The following LAMA2 variants were observed in gnomAD, a reference collection of about 807,000 sequenced individuals.
The protein encoded by LAMA2 is laminin subunit alpha 2, also known as laminin subunit alpha-2.
A neutral mutation model predicts 364.8 loss-of-function variants in LAMA2; 269 were observed. The ratio of observed to expected loss-of-function variants is 0.74; its 90% CI spans 0.67 to 0.82. LAMA2 has a LOEUF of 0.82. Ranked by LOEUF, LAMA2 falls within the 40% of genes least tolerant of loss-of-function variation. The probability of loss-of-function intolerance (pLI) is 0.00; values close to 1 mark genes in which losing one functional copy is unlikely to be tolerated. For synonymous variants in LAMA2, 1,379 were observed against 1,370.6 expected (o/e 1.01, Z -0.14); for missense variants, 3,807 against 3,873.2 (o/e 0.98, Z 0.45).
intron 29 of LAMA2, among the ~76,000 whole-genome samples, chr6:129,330,598 G>GTTTTT (rs1554273762): frequency 7.9e-5 from 7 of 88,680 alleles, no homozygotes; most frequent in African/African-American, 2.7e-4. Flanking sequence ...TTTGGTTTTT[G>GTTTTT]TTTTTTTTTT....
chr6:129,507,746 C>A, intron 62 of LAMA2, 104 bp downstream of exon 62: 1 of 1,195,268 alleles, frequency 8.4e-7, no homozygotes. Context: ...AAACTAGTAT[C>A]CTTTATTTAA....
At chr6:129,434,962 A>G in intron 41 of LAMA2, among the ~76,000 whole-genome samples, 1 of 152,098 alleles carries the variant, frequency 6.6e-6, no homozygotes, top group East Asian at 1.9e-4. Context: ...AAAAAAAATC[A>G]GAACAGGGTT....
intron 37 of LAMA2, among the ~76,000 whole-genome samples, chr6:129,399,473 G>T (rs975881937): frequency 6.6e-6 from 1 of 152,174 alleles, no homozygotes; most frequent in African/African-American, 2.4e-5. Context: ...AGTAGGGAGG[G>T]ACTAAACATT....
At chr6:129,326,428 C>T (rs1775286774) in intron 28 of LAMA2, among the ~76,000 whole-genome samples, 1 of 152,072 alleles carries the variant, frequency 6.6e-6, no homozygotes, top group African/African-American at 2.4e-5. Flanking sequence ...CTCGCCTTCA[C>T]ATTTGGACCT....
intron 32 of LAMA2, among the ~76,000 whole-genome samples, chr6:129,353,570 C>T (rs1422566316): frequency 6.6e-6 from 1 of 151,896 alleles, no homozygotes; most frequent in Non-Finnish European, 1.5e-5. Context: ...TGAGAAAATC[C>T]TCAGTGTGCT....
Position 129,393,179 on chromosome 6 carries a change from T to C in LAMA2, c.5369T>C (p.Leu1790Ser), listed in dbSNP as rs777353251. 2 of 1,613,976 alleles carry C rather than the reference T, an allele frequency of 1.2e-6. No individual in the cohort carries two copies. The highest frequency in any genetic ancestry group is 2.7e-5 in the African/African-American group (2 of 74,916). ...AAAGTTGATGATGCTTGGGACCTTT[T>C]GAGAGAAGCCACAGATAAAATCAGA... ...KNKVDDAWDL[L>S]REATDKIREA... The change falls in exon 37 of 65, where the codon TTG (leucine) becomes TCG (serine). Residue 1790 changes from leucine (L) to serine (S), a missense_variant. Physicochemically the swap from Leu to Ser is moderately radical, Grantham distance 145. This residue lies in a region of LAMA2 where 3,333 missense variants were observed against 3,345.7 expected (regional missense o/e 1.00). Transcript: ENST00000421865.
intron 17 of LAMA2, among the ~76,000 whole-genome samples, chr6:129,276,035 C>T (rs532713517): frequency 6.6e-6 from 1 of 152,192 alleles, no homozygotes; most frequent in South Asian, 2.1e-4. Context: ...GATCATTGAA[C>T]TGAAGAAGAA....
intron 30 of LAMA2, among the ~76,000 whole-genome samples, chr6:129,348,073 T>C (rs1462990433): frequency 6.6e-6 from 1 of 152,224 alleles, no homozygotes; most frequent in African/African-American, 2.4e-5. Flanking sequence ...TGAGTGTGCA[T>C]GCACAGATGC....
chr6:128,973,892 GGGGACAATGCTGT>G (rs1202680891), intron 1 of LAMA2, among the ~76,000 whole-genome samples: 2 of 152,130 alleles, frequency 1.3e-5, no homozygotes, highest in Middle Eastern at 3.2e-3. Flanking sequence ...CGTGCTTTGT[GGGGACAATGCTGT>G]GGGACCTCTA....
chr6:129,065,390 C>T (rs1789224488), intron 3 of LAMA2, among the ~76,000 whole-genome samples: 1 of 152,056 alleles, frequency 6.6e-6, no homozygotes, highest in African/African-American at 2.4e-5. Context: ...TGGCATAATA[C>T]TGGAAGACCT....
chr6:129,137,754 A>G (rs1301855613), intron 4 of LAMA2, among the ~76,000 whole-genome samples: 1 of 152,164 alleles, frequency 6.6e-6, no homozygotes, highest in Admixed American at 6.6e-5. Flanking sequence ...GGGGACTGCT[A>G]TTGATATGTT....
chr6:129,262,977 T>C (rs1293938450), intron 15 of LAMA2, among the ~76,000 whole-genome samples: 1 of 152,184 alleles, frequency 6.6e-6, no homozygotes, highest in East Asian at 1.9e-4. Flanking sequence ...TTGTGAAGTG[T>C]TCTGCAGTTA....
chr6:129,300,586 G>A (rs1773487317), intron 21 of LAMA2, 150 bp from the exon 22 acceptor site: 1 of 751,586 alleles, frequency 1.3e-6, no homozygotes, highest in South Asian at 1.5e-5. Flanking sequence ...TAATATAAAA[G>A]ATGAATGAAG....
At chr6:129,004,760 G>T (rs1031617065) in intron 1 of LAMA2, among the ~76,000 whole-genome samples, 1 of 152,008 alleles carries the variant, frequency 6.6e-6, no homozygotes, top group Non-Finnish European at 1.5e-5. Context: ...GCTTGCACTT[G>T]TATTTTGACA....
intron 36 of LAMA2, 127 bp from the exon 37 acceptor site, chr6:129,392,918 T>G (rs1779397004): frequency 2.7e-6 from 2 of 738,716 alleles, no homozygotes; most frequent in Non-Finnish European, 4.4e-6. Context: ...GTGAATCTAT[T>G]TTACATGTTT....
chr6:129,205,377 G>A (rs1782557765), intron 12 of LAMA2, among the ~76,000 whole-genome samples: 1 of 147,326 alleles, frequency 6.8e-6, no homozygotes, highest in Non-Finnish European at 1.5e-5. Flanking sequence ...GGGTGACAGA[G>A]CAAGGGATTC....
At chr6:129,208,711 AAGGGAGGGAGGGAGGGAAGGAAGG>A (rs1782876014) in intron 12 of LAMA2, among the ~76,000 whole-genome samples, 1 of 124,918 alleles carries the variant, frequency 8.0e-6, no homozygotes, top group East Asian at 2.7e-4. Flanking sequence ...AAGGAAGGAA[AAGGGAGGGAGGGAGGGAAGGAAGG>A]AGGGAGGGAG....
At chr6:129,190,131 T>C in intron 10 of LAMA2, 74 bp from the exon 11 acceptor site, 1 of 1,415,170 alleles carries the variant, frequency 7.1e-7, no homozygotes, top group South Asian at 1.2e-5. Flanking sequence ...GTTAATATTT[T>C]CCTTATACAG....
Position 129,402,163 on chromosome 6 carries a change from C to T in LAMA2, c.5563-161C>T, listed in dbSNP as rs9767587. ...GGCAGAGGTTGCAGTGAGCTGAGAT[C>T]GCACCACTGCATTCCAGCCTGGGTG... On this transcript the variant is annotated intron_variant, in intron 38 of 64. Coordinates refer to ENST00000421865, the MANE Select transcript of LAMA2 (RefSeq NM_000426.4). 5.3e-3 allele frequency among the ~76,000 whole-genome samples: 780 copies of T among 148,464 alleles called. 10 individuals carry two copies. Among genetic ancestry groups the T allele is most frequent in the African/African-American group, 0.018 (738 of 39,950 alleles).
Sources: gnomAD v4.1 joint callset for allele counts (sites outside exome capture counted in the v4.1 genomes callset) on GRCh38, gnomAD v4.1.1 for gene constraint, gnomAD v4.1.1 regional missense constraint, MANE v1.5 for transcripts, NCBI Gene and HGNC (gene_info 2026-07-23, HGNC 2026-07-21) for gene names.